Variants in KIF26B observed in about 807,000 individuals in gnomAD.
KIF26B encodes the protein kinesin family member 26B.
KIF26B carries 63 observed loss-of-function variants against 151.2 expected under a neutral mutation model. The ratio of observed to expected loss-of-function variants is 0.42; its 90% CI spans 0.34 to 0.51. The LOEUF is 0.51. KIF26B is among the 20% of genes least tolerant of loss of function. The probability of loss-of-function intolerance (pLI) is 0.07; values close to 1 mark genes in which losing one functional copy is unlikely to be tolerated. For missense variants in KIF26B, 2,813 were observed against 2,913.6 expected (o/e 0.97, Z 0.79); for synonymous variants, 1,357 against 1,262.1 (o/e 1.08, Z -1.59).
chr1:245,203,729 GC>G (rs1669346229), intron 2 of KIF26B, among the ~76,000 whole-genome samples: 1 of 151,106 alleles, frequency 6.6e-6, no homozygotes, highest in South Asian at 2.1e-4. Context: ...GCATGAAAGC[GC>G]TTTTCCCTGG....
intron 2 of KIF26B, among the ~76,000 whole-genome samples, chr1:245,351,698 T>C (rs796066024): frequency 6.6e-5 from 10 of 152,338 alleles, no homozygotes; most frequent in African/African-American, 2.2e-4. Flanking sequence ...AAGGCAAAGC[T>C]TGGACTAAAA....
Position 245,318,018 on chromosome 1 carries a change from C to T in KIF26B, c.466-48816C>T, listed in dbSNP as rs1671812207. On this transcript the variant is annotated intron_variant, in intron 2 of 14. Coordinates refer to ENST00000407071, the MANE Select transcript of KIF26B (RefSeq NM_018012.4). This position sits in a 1 kb window ranked among gnomAD's most constrained non-coding sequence, Gnocchi z 4.0. ...CTACAGGTTACACTTCACCTGATTTCCAGGTTAGTGCAGCGCCTGACCTCT... is the reference window on the plus strand; with the variant it reads ...CTACAGGTTACACTTCACCTGATTTTCAGGTTAGTGCAGCGCCTGACCTCT... 6.6e-6 allele frequency among the ~76,000 whole-genome samples: 1 copy of T among 152,198 alleles called. No homozygotes were observed. Among genetic ancestry groups the T allele is most frequent in the Non-Finnish European group, 1.5e-5 (1 of 68,030 alleles).
rs1246883980 is a variant in KIF26B at position 245,704,155 on chromosome 1, G to A, written c.*1549G>A. ...AGCCCAGAATCTAAGAGTCCCTGCA[G>A]CCTTCGCATCGAGGATGGTACTTAG... On this transcript the variant is annotated 3_prime_UTR_variant, in exon 15 of 15. Coordinates refer to ENST00000407071, the MANE Select transcript of KIF26B (RefSeq NM_018012.4). The A allele has an allele frequency of 6.6e-6, 1 of 152,288 alleles. No individual in the cohort carries two copies. Among genetic ancestry groups the A allele is most frequent in the Non-Finnish European group, 1.5e-5 (1 of 68,060 alleles). 9.4% of individuals were successfully genotyped at this position (152,288 alleles called of 1,614,324 possible). A position where few individuals can be genotyped will look rare whatever the true frequency, so the allele number is the denominator to read the frequency against.
chr1:245,493,520 G>A (rs767188199), intron 4 of KIF26B, among the ~76,000 whole-genome samples: 9 of 152,214 alleles, frequency 5.9e-5, no homozygotes, highest in Non-Finnish European at 1.0e-4. Context: ...CCAAGGCAGC[G>A]TGGCAACGGC....
intron 2 of KIF26B, among the ~76,000 whole-genome samples, chr1:245,262,611 C>T (rs911922933): frequency 6.6e-6 from 1 of 152,050 alleles, no homozygotes; most frequent in Non-Finnish European, 1.5e-5. Flanking sequence ...TGCACCTCCA[C>T]GCCTGGCTAA....
chr1:245,586,903 A>AAC (rs1425290001), intron 5 of KIF26B, among the ~76,000 whole-genome samples: 1 of 151,836 alleles, frequency 6.6e-6, no homozygotes, highest in South Asian at 2.1e-4. Flanking sequence ...AAAAAAAAAA[A>AAC]AAAAAACATC....
At chr1:245,494,240 A>C (rs1230715123) in intron 4 of KIF26B, among the ~76,000 whole-genome samples, 1 of 152,202 alleles carries the variant, frequency 6.6e-6, no homozygotes, top group Non-Finnish European at 1.5e-5. Flanking sequence ...TGGGAGGCGG[A>C]GGTTACAGTG....
chr1:245,672,340 G>A (rs558147302), intron 10 of KIF26B, among the ~76,000 whole-genome samples: 1 of 152,224 alleles, frequency 6.6e-6, no homozygotes, highest in Non-Finnish European at 1.5e-5. Flanking sequence ...GCTTCACGCT[G>A]CTGACTAAAC....
At chr1:245,237,520 G>A (rs957549369) in intron 2 of KIF26B, among the ~76,000 whole-genome samples, 4 of 152,088 alleles carry the variant, frequency 2.6e-5, no homozygotes, top group South Asian at 2.1e-4. Context: ...TAGCAAAACC[G>A]TACCCTGGTG....
chr1:245,649,023 G>A (rs556775265), intron 10 of KIF26B, among the ~76,000 whole-genome samples: 46 of 152,238 alleles, frequency 3.0e-4, no homozygotes, highest in African/African-American at 9.9e-4. Flanking sequence ...CTGGAAACAC[G>A]GTGGCCCTGG....
At chr1:245,396,564 A>C (rs777309221) in intron 3 of KIF26B, among the ~76,000 whole-genome samples, 8 of 151,912 alleles carry the variant, frequency 5.3e-5, no homozygotes, top group Admixed American at 1.3e-4. Flanking sequence ...TGAACCCGGG[A>C]GACAGAGGTT....
intron 4 of KIF26B, among the ~76,000 whole-genome samples, chr1:245,469,157 C>A (rs1482669862): frequency 6.6e-6 from 1 of 152,226 alleles, no homozygotes; most frequent in Non-Finnish European, 1.5e-5. Flanking sequence ...AGCAAAAACG[C>A]CAGAGTCTCA....
intron 2 of KIF26B, among the ~76,000 whole-genome samples, chr1:245,175,244 C>T (rs1225951609): frequency 3.3e-5 from 5 of 152,134 alleles, no homozygotes; most frequent in African/African-American, 1.2e-4. Context: ...CAACCCCTAG[C>T]CAATCTGCCT....
chr1:245,196,246 A>C (rs1295925177), intron 2 of KIF26B, among the ~76,000 whole-genome samples: 3 of 152,180 alleles, frequency 2.0e-5, no homozygotes, highest in Non-Finnish European at 4.4e-5. Context: ...CTGTGGATAC[A>C]TCCTGTGAAC....
At chr1:245,200,137 A>T (rs931365560) in intron 2 of KIF26B, among the ~76,000 whole-genome samples, 4 of 152,182 alleles carry the variant, frequency 2.6e-5, no homozygotes, top group Admixed American at 2.6e-4. Context: ...TTAGTGGCTT[A>T]TTTGTGTTTA....
chr1:245,337,902 C>A (rs1402945514), intron 2 of KIF26B, among the ~76,000 whole-genome samples: 1 of 152,128 alleles, frequency 6.6e-6, no homozygotes, highest in African/African-American at 2.4e-5. Flanking sequence ...AGATAGCGTG[C>A]TTGGCCGGGA....
At position 245,184,823 on chromosome 1, in the gene KIF26B, G is replaced by A. The variant is rs565025831; in HGVS notation, c.465+28140G>A. 5.9e-5 allele frequency among the ~76,000 whole-genome samples: 9 copies of A among 152,322 alleles called. 1 individual carries two copies. The highest frequency in any genetic ancestry group is 6.8e-3 in the Middle Eastern group (2 of 292). Reference sequence around the variant, plus strand: ...TAATGAGTGGTGAATTGTTTTTGGCGAGTGTGGCTGCCAGGTTGCTTCCTC... The same window carrying A: ...TAATGAGTGGTGAATTGTTTTTGGCAAGTGTGGCTGCCAGGTTGCTTCCTC... On this transcript the variant is annotated intron_variant, in intron 2 of 14. Coordinates refer to ENST00000407071, the MANE Select transcript of KIF26B (RefSeq NM_018012.4).
intron 5 of KIF26B, among the ~76,000 whole-genome samples, chr1:245,600,433 A>AC (rs2043384317): frequency 3.3e-5 from 5 of 151,510 alleles, no homozygotes; most frequent in Admixed American, 2.0e-4. Flanking sequence ...CCTGAGCTCA[A>AC]GTGACCCTGC....
At position 245,400,471 on chromosome 1, in the gene KIF26B, A is replaced by G. The variant is rs1036047038; in HGVS notation, c.1000-19108A>G. Among the ~76,000 whole-genome samples the G allele has an allele frequency of 4.6e-5, 7 of 151,266 alleles. No homozygotes were observed. The South Asian group carries it at 6.3e-4, about 14-fold the overall frequency. On this transcript the variant is annotated intron_variant, in intron 3 of 14. Coordinates refer to ENST00000407071, the MANE Select transcript of KIF26B (RefSeq NM_018012.4). ...GATGTATGCCCACAGGGCATAAAAC[A>G]ATCACATAGATAGTGAGTTTTTTTT... is the stretch of plus-strand genomic sequence containing the variant.
Sources: allele counts gnomAD v4.1 joint callset (sites outside exome capture counted in the v4.1 genomes callset), GRCh38; gene constraint gnomAD v4.1.1; non-coding constraint Gnocchi (gnomAD v3.1); transcripts MANE v1.5; gene names NCBI Gene and HGNC (gene_info 2026-07-23, HGNC 2026-07-21).